VTI1A: variants seen among roughly 807,000 people sequenced by gnomAD.
VTI1A encodes the protein vesicle transport through interaction with t-SNAREs 1A.
In VTI1A, 22 loss-of-function variants were observed where a neutral mutation model predicts 34.9. The ratio of observed to expected loss-of-function variants is 0.63; its 90% confidence interval spans 0.45 to 0.90. The LOEUF is 0.90. Ranked by LOEUF, VTI1A falls within the 40% of genes least tolerant of loss-of-function variation. The pLI is 0.00. For missense variants in VTI1A, 268 were observed against 275.6 expected, an observed-to-expected ratio of 0.97 and a Z score of 0.20; for synonymous variants, 87 against 97.3, an observed-to-expected ratio of 0.89 and a Z score of 0.62.
At chr10:112,796,605 C>A (rs1374006069) in intron 7 of VTI1A, among the ~76,000 whole-genome samples, 1 of 152,140 alleles carries the variant, frequency 6.6e-6, no homozygotes, top group African/African-American at 2.4e-5. Context: ...GCAGAGGCCA[C>A]CATCTGTCAG....
chr10:112,781,568 C>T (rs1852128367), intron 7 of VTI1A, among the ~76,000 whole-genome samples: 1 of 151,960 alleles, frequency 6.6e-6, no homozygotes, highest in Admixed American at 6.6e-5. Flanking sequence ...TGGCCAGGAG[C>T]GGTGGCTCAC....
intron 5 of VTI1A, among the ~76,000 whole-genome samples, chr10:112,646,144 T>A (rs929394826): frequency 2.6e-4 from 39 of 152,128 alleles, no homozygotes; most frequent in African/African-American, 9.4e-4. Flanking sequence ...ATACAACCTA[T>A]CTTGTAGGTT....
At chr10:112,630,001 G>A (rs1846069149) in intron 5 of VTI1A, among the ~76,000 whole-genome samples, 1 of 152,156 alleles carries the variant, frequency 6.6e-6, no homozygotes, top group Non-Finnish European at 1.5e-5. Flanking sequence ...GAGTAGAGTT[G>A]AGAGGGACTC....
intron 5 of VTI1A, among the ~76,000 whole-genome samples, chr10:112,587,369 A>T (rs146763034): frequency 1.3e-5 from 2 of 152,154 alleles, no homozygotes; most frequent in African/African-American, 4.8e-5. Context: ...AAGAGCTTAT[A>T]ACATAGGAGA....
At chr10:112,641,966 G>A (rs961946735) in intron 5 of VTI1A, among the ~76,000 whole-genome samples, 14 of 152,174 alleles carry the variant, frequency 9.2e-5, no homozygotes, top group African/African-American at 2.2e-4. Context: ...TGATCGCACC[G>A]TGTTAAGTCA....
intron 5 of VTI1A, among the ~76,000 whole-genome samples, chr10:112,550,389 A>C (rs1851305072): frequency 6.6e-6 from 1 of 151,384 alleles, no homozygotes; most frequent in South Asian, 2.1e-4. Flanking sequence ...TATTTAACAG[A>C]ATTTTTTTGA....
intron 7 of VTI1A, among the ~76,000 whole-genome samples, chr10:112,813,782 A>G (rs973939227): frequency 6.6e-6 from 1 of 152,160 alleles, no homozygotes. Context: ...CAGACTTTCT[A>G]GTGGGGAAGG....
chr10:112,642,379 A>G (rs958629667), intron 5 of VTI1A, among the ~76,000 whole-genome samples: 6 of 152,148 alleles, frequency 3.9e-5, no homozygotes, highest in East Asian at 1.9e-4. Context: ...CATCAGTTCT[A>G]TGGGTTATCA....
chr10:112,735,243 A>G lies in VTI1A; in HGVS notation c.560+66245A>G, dbSNP rs555173466. 2.0e-5 allele frequency among the ~76,000 whole-genome samples: 3 copies of G among 152,268 alleles called. No homozygotes were observed. The South Asian group carries it at 6.2e-4, about 32-fold the overall frequency. ...CAAATTGCACAGGAGGCATTTTGAG[A>G]TTGTGTGATAGACTCGATTGAATTT... On this transcript the variant is annotated intron_variant, in intron 7 of 7. Coordinates refer to ENST00000393077, the MANE Select transcript of VTI1A (RefSeq NM_145206.4).
At chr10:112,515,765 G>A (rs141449690) in intron 3 of VTI1A, among the ~76,000 whole-genome samples, 174 of 151,986 alleles carry the variant, frequency 1.1e-3, no homozygotes, top group African/African-American at 4.1e-3. Context: ...TTTGTTTGTG[G>A]CTTTTTTTTG....
At chr10:112,666,605 A>G (rs970970716) in intron 5 of VTI1A, among the ~76,000 whole-genome samples, 1 of 152,156 alleles carries the variant, frequency 6.6e-6, no homozygotes, top group African/African-American at 2.4e-5. Flanking sequence ...ATACTGTATC[A>G]TGACATGCCT....
chr10:112,746,126 T>C (rs1259631093), intron 7 of VTI1A, among the ~76,000 whole-genome samples: 2 of 152,224 alleles, frequency 1.3e-5, no homozygotes, highest in African/African-American at 4.8e-5. Flanking sequence ...GCCAACTTCC[T>C]TGAAGACTCT....
intron 7 of VTI1A, among the ~76,000 whole-genome samples, chr10:112,740,761 G>A (rs953045040): frequency 6.6e-6 from 1 of 152,162 alleles, no homozygotes; most frequent in Admixed American, 6.5e-5. Flanking sequence ...AAACAGTTTG[G>A]CAATCACTTA....
At chr10:112,699,262 C>T (rs1249705070) in intron 7 of VTI1A, among the ~76,000 whole-genome samples, 3 of 152,182 alleles carry the variant, frequency 2.0e-5, no homozygotes, top group Non-Finnish European at 2.9e-5. Flanking sequence ...AACAGAATTC[C>T]ACAGACGGTG....
the VTI1A span, among the ~76,000 whole-genome samples, chr10:112,830,849 A>ATATATTTTT: frequency 3.0e-4 from 10 of 33,494 alleles, 1 homozygote; most frequent in East Asian, 0.013. Flanking sequence ...ATATATATAT[A>ATATATTTTT]TTTTTTTTTT....
At chr10:112,457,197 C>T (rs1057203235) in intron 1 of VTI1A, among the ~76,000 whole-genome samples, 1 of 152,124 alleles carries the variant, frequency 6.6e-6, no homozygotes, top group Non-Finnish European at 1.5e-5. Flanking sequence ...AACTGCTAAG[C>T]TCAACTGACC....
intron 7 of VTI1A, among the ~76,000 whole-genome samples, chr10:112,729,908 TG>T (rs1423923364): frequency 6.6e-6 from 1 of 152,218 alleles, no homozygotes; most frequent in East Asian, 1.9e-4. Flanking sequence ...CAGCCCTCTT[TG>T]TGCGTAGCAA....
intron 7 of VTI1A, among the ~76,000 whole-genome samples, chr10:112,784,807 A>G (rs977858738): frequency 6.6e-6 from 1 of 152,212 alleles, no homozygotes; most frequent in Admixed American, 6.5e-5. Context: ...TCAAAACGAA[A>G]AAAATTTGGA....
chr10:112,477,394 CT>C (rs1848310499), intron 3 of VTI1A, among the ~76,000 whole-genome samples: 1 of 152,184 alleles, frequency 6.6e-6, no homozygotes, highest in Non-Finnish European at 1.5e-5. Flanking sequence ...TTTATTAGTT[CT>C]TGAGGCTCCT....
Sources: allele counts gnomAD v4.1 joint callset (sites outside exome capture counted in the v4.1 genomes callset), GRCh38; gene constraint gnomAD v4.1.1; transcripts MANE v1.5; gene names NCBI Gene and HGNC (gene_info 2026-07-23, HGNC 2026-07-21).